Variants in WDR48 observed in about 807,000 individuals in gnomAD.
WDR48 encodes the protein WD repeat-containing protein 48.
In WDR48, 22 loss-of-function variants were observed where a neutral mutation model predicts 94.0. The observed-to-expected ratio is 0.23, with a 90% CI of 0.17 to 0.33. WDR48 has a LOEUF of 0.33. WDR48 is among the 10% of genes least tolerant of loss of function. The pLI is 1.00. For synonymous variants in WDR48, 278 were observed against 280.5 expected, an observed-to-expected ratio of 0.99 and a Z score of 0.09; for missense variants, 541 against 813.8, an observed-to-expected ratio of 0.66 and a Z score of 4.08.
intron 1 of WDR48, among the ~76,000 whole-genome samples, chr3:39,057,056 G>A (rs1229100350): frequency 6.6e-6 from 1 of 152,020 alleles, no homozygotes; most frequent in Non-Finnish European, 1.5e-5. Context: ...ATTGAAGAAG[G>A]AAAAATTAAA....
chr3:39,085,393 C>T (rs1001610739), intron 13 of WDR48, 122 bp from the exon 14 acceptor site: 11 of 784,032 alleles, frequency 1.4e-5, no homozygotes, highest in Admixed American at 7.8e-5. Flanking sequence ...AGACATCATT[C>T]GCATTGGGTT....
At chr3:39,079,632 C>A (rs2034417152) in intron 10 of WDR48, 79 bp from the exon 11 acceptor site, 2 of 989,992 alleles carry the variant, frequency 2.0e-6, no homozygotes, top group Non-Finnish European at 1.5e-6. Flanking sequence ...CTGTTAGATA[C>A]CAGTTAACAA....
intron 1 of WDR48, among the ~76,000 whole-genome samples, chr3:39,058,138 C>A (rs1356625407): frequency 3.3e-5 from 5 of 152,062 alleles, no homozygotes; most frequent in Non-Finnish European, 5.9e-5. Flanking sequence ...CATGCTGTTG[C>A]CCAGGTTGTA....
chr3:39,094,506 G>T (rs748489562), intron 18 of WDR48, 142 bp from the exon 19 acceptor site: 1 of 1,537,280 alleles, frequency 6.5e-7, no homozygotes, highest in Non-Finnish European at 8.7e-7. Flanking sequence ...CGCATGCATG[G>T]AAGCCGTGAC....
rs1490876636 is a variant in WDR48 at position 39,092,969 on chromosome 3, A to G, written c.1746-905A>G. ...AGATTTAACAACTGAAGTTCAAATG[A>G]TTTTCAGAGCGTAGGCCTTAGTTTT... On this transcript the variant is annotated intron_variant, in intron 17 of 18. Coordinates refer to ENST00000302313, the MANE Select transcript of WDR48 (RefSeq NM_020839.4). Among the ~76,000 whole-genome samples, 6 of 151,988 alleles carry G rather than the reference A, an allele frequency of 3.9e-5. 1 individual carries two copies. Among genetic ancestry groups the G allele is most frequent in the African/African-American group, 1.5e-4 (6 of 41,340 alleles).
At chr3:39,059,709 G>A (rs1575391899) in intron 1 of WDR48, among the ~76,000 whole-genome samples, 2 of 152,218 alleles carry the variant, frequency 1.3e-5, no homozygotes, top group East Asian at 1.9e-4. Context: ...TGCAGCCCTG[G>A]CCCTTTTTAA....
intron 14 of WDR48, among the ~76,000 whole-genome samples, chr3:39,085,812 GATAT>G (rs780953352): frequency 1.3e-5 from 2 of 151,938 alleles, no homozygotes; most frequent in Non-Finnish European, 2.9e-5. Flanking sequence ...ACCACCTTAT[GATAT>G]GGCTTTTAGT....
intron 1 of WDR48, among the ~76,000 whole-genome samples, chr3:39,060,579 A>G (rs12638946): frequency 0.09 from 13,738 of 152,276 alleles, 752 homozygotes; most frequent in Admixed American, 0.14. Context: ...ATTTGGCCAG[A>G]TCACCATTGC....
intron 1 of WDR48, among the ~76,000 whole-genome samples, chr3:39,058,858 G>A (rs2125635444): frequency 6.6e-6 from 1 of 151,612 alleles, no homozygotes; most frequent in African/African-American, 2.4e-5. Flanking sequence ...GGGTGGATCA[G>A]AAGGTCAGGA....
chr3:39,092,243 A>G (rs563415790), intron 17 of WDR48, among the ~76,000 whole-genome samples: 1 of 152,316 alleles, frequency 6.6e-6, no homozygotes, highest in Admixed American at 6.5e-5. Context: ...CCCAACCTGT[A>G]TATAATAGTT....
chr3:39,087,138 A>G (rs921250404), intron 14 of WDR48, among the ~76,000 whole-genome samples: 11 of 152,196 alleles, frequency 7.2e-5, no homozygotes, highest in African/African-American at 1.2e-4. Context: ...CACAAATGCT[A>G]TAGGATTTCA....
chr3:39,093,105 C>T (rs1271575746), intron 17 of WDR48, among the ~76,000 whole-genome samples: 3 of 152,072 alleles, frequency 2.0e-5, no homozygotes, highest in Non-Finnish European at 4.4e-5. Context: ...ACTGAAGATA[C>T]CCAACCAGCT....
chr3:39,082,526 C>T (rs370046614), intron 11 of WDR48, among the ~76,000 whole-genome samples: 13 of 152,164 alleles, frequency 8.5e-5, no homozygotes, highest in South Asian at 4.2e-4. Flanking sequence ...ATGATCTGCC[C>T]GTCTTGGCCT....
At chr3:39,060,750 G>A (rs192616323) in intron 1 of WDR48, among the ~76,000 whole-genome samples, 229 of 152,226 alleles carry the variant, frequency 1.5e-3, no homozygotes, top group African/African-American at 5.4e-3. Context: ...AGGCTGAGGC[G>A]GGTGGACCAC....
chr3:39,060,979 A>G (rs2033222260), intron 1 of WDR48, among the ~76,000 whole-genome samples: 1 of 152,250 alleles, frequency 6.6e-6, no homozygotes, highest in Non-Finnish European at 1.5e-5. Context: ...AATAAAAACA[A>G]AAATTATTTT....
chr3:39,082,815 G>T (rs2034607818), intron 11 of WDR48, among the ~76,000 whole-genome samples: 1 of 152,186 alleles, frequency 6.6e-6, no homozygotes, highest in Admixed American at 6.5e-5. Flanking sequence ...CACAGTTAAA[G>T]AACTGGGCTG....
chr3:39,059,199 C>T (rs577355161), intron 1 of WDR48, among the ~76,000 whole-genome samples: 2 of 152,014 alleles, frequency 1.3e-5, no homozygotes, highest in East Asian at 1.9e-4. Flanking sequence ...AGACCTTTCT[C>T]CTAAGATCTG....
At chr3:39,073,030 A>C (rs1044745191) in intron 7 of WDR48, among the ~76,000 whole-genome samples, 3 of 152,168 alleles carry the variant, frequency 2.0e-5, no homozygotes, top group African/African-American at 7.2e-5. Flanking sequence ...AAGTTGCCCC[A>C]GGCCACGAGG....
At position 39,052,066 on chromosome 3, in the gene WDR48, A is replaced by G; in HGVS notation, c.41A>G (p.Lys14Arg). The G allele has an allele frequency of 3.1e-6, 5 of 1,613,690 alleles. No individual in the cohort carries two copies. Among genetic ancestry groups the G allele is most frequent in the Non-Finnish European group, 3.4e-6 (4 of 1,179,862 alleles). Residue 14 changes from lysine to arginine, a missense_variant, in exon 1 of 19, where the codon AAA becomes AGA. This residue lies in a region of WDR48 where 90 missense variants were observed against 122.3 expected (regional missense o/e 0.74). Coordinates refer to ENST00000302313, the MANE Select transcript of WDR48 (RefSeq NM_020839.4). ...CGGCAGAACACAGCAGGGCGGAGGA[A>G]AGTGCAGGTATGGAAGCCCGGTTCC... ...HHRQNTAGRRKVQVSYVIRDE... is the reference protein window; with the variant it reads ...HHRQNTAGRRRVQVSYVIRDE...
Sources: gnomAD v4.1 joint callset for allele counts (sites outside exome capture counted in the v4.1 genomes callset) on GRCh38, gnomAD v4.1.1 for gene constraint, gnomAD v4.1.1 regional missense constraint, MANE v1.5 for transcripts, NCBI Gene and HGNC (gene_info 2026-07-23, HGNC 2026-07-21) for gene names.